RNLS: variants seen among roughly 807,000 people sequenced by gnomAD.
The protein encoded by RNLS is renalase.
A neutral mutation model predicts 39.8 loss-of-function variants in RNLS; 39 were observed. The observed-to-expected ratio is 0.98, with a 90% confidence interval of 0.76 to 1.28. The LOEUF (loss-of-function observed/expected upper bound fraction) is 1.28. Ranked by LOEUF, RNLS falls within the 50% of genes most tolerant of loss-of-function variation. RNLS has a pLI of 0.00. For synonymous variants in RNLS, 147 were observed against 150.7 expected, an observed-to-expected ratio of 0.98 and a Z score of 0.18; for missense variants, 410 against 413.3, an observed-to-expected ratio of 0.99 and a Z score of 0.07.
At position 88,445,871 on chromosome 10, in the gene RNLS, T is replaced by C. The variant is rs143537215; in HGVS notation, c.527-83146A>G. On this transcript the variant is annotated intron_variant, in intron 4 of 6. Coordinates refer to ENST00000331772, the MANE Select transcript of RNLS (RefSeq NM_001031709.3). ...CTCTCACACAATAATAATGGGAAAC[T>C]TTAATACCCCACTGTCAACATTAGA... Among the ~76,000 whole-genome samples, 1,294 of 152,258 alleles carry C rather than the reference T, an allele frequency of 8.5e-3. 21 individuals are homozygous for C. Among genetic ancestry groups the C allele is most frequent in the East Asian group, 0.033 (169 of 5,192 alleles).
intron 4 of RNLS, among the ~76,000 whole-genome samples, chr10:88,424,106 T>C (rs1285632426): frequency 6.6e-6 from 1 of 152,194 alleles, no homozygotes; most frequent in Non-Finnish European, 1.5e-5. Flanking sequence ...TGGCATGATG[T>C]GTGTTTGTCT....
intron 4 of RNLS, among the ~76,000 whole-genome samples, chr10:88,551,470 G>A (rs1162628605): frequency 6.6e-6 from 1 of 152,120 alleles, no homozygotes; most frequent in Non-Finnish European, 1.5e-5. Context: ...ACTTATTTAT[G>A]AAAATGCGTA....
intron 4 of RNLS, among the ~76,000 whole-genome samples, chr10:88,529,230 C>T (rs1426095026): frequency 1.3e-5 from 2 of 152,162 alleles, no homozygotes; most frequent in African/African-American, 4.8e-5. Flanking sequence ...CAAAATCCAG[C>T]GTCTTCCTCT....
chr10:88,212,064 T>C, the RNLS span, among the ~76,000 whole-genome samples: 1 of 152,180 alleles, frequency 6.6e-6, no homozygotes, highest in Non-Finnish European at 1.5e-5. Flanking sequence ...AGGCAAACCT[T>C]GTTCCTGGCC....
At chr10:88,330,082 TATATATATAA>T (rs1464611309) in intron 5 of RNLS, among the ~76,000 whole-genome samples, 1 of 135,414 alleles carries the variant, frequency 7.4e-6, no homozygotes, top group Non-Finnish European at 1.6e-5. Context: ...TATATATATA[TATATATATAA>T]ATATAAATAT....
chr10:88,199,649 A>G, the RNLS span, among the ~76,000 whole-genome samples: 5 of 152,152 alleles, frequency 3.3e-5, no homozygotes, highest in African/African-American at 1.2e-4. Flanking sequence ...CTGCAGAGAA[A>G]AGCAAGAACC....
chr10:88,427,936 G>T (rs143939347), intron 4 of RNLS, among the ~76,000 whole-genome samples: 2 of 151,956 alleles, frequency 1.3e-5, no homozygotes, highest in East Asian at 3.9e-4. Context: ...ATATGCTTAC[G>T]TTTTCTTTGT....
chr10:88,366,167 G>A lies in RNLS; in HGVS notation c.527-3442C>T, dbSNP rs74964912. ...TATAAGGAAAAATAAAGCAGGTAAA[G>A]GGATACATAACAGGTTTGAGTGAGG... On this transcript the variant is annotated intron_variant, in intron 4 of 6. Transcript: ENST00000331772. Among the ~76,000 whole-genome samples the A allele has an allele frequency of 5.6e-3, 848 of 152,248 alleles. 8 individuals are homozygous for A. Among genetic ancestry groups the A allele is most frequent in the African/African-American group, 0.02 (820 of 41,570 alleles).
chr10:88,220,949 G>A, the RNLS span, among the ~76,000 whole-genome samples: 11 of 152,224 alleles, frequency 7.2e-5, no homozygotes, highest in Non-Finnish European at 1.5e-4. Flanking sequence ...GCAAGTGACA[G>A]AGTTCGGATT....
At chr10:88,275,077 C>G (rs1279942379) in intron 6 of RNLS, 1 of 1,395,412 alleles carries the variant, frequency 7.2e-7, no homozygotes, top group East Asian at 2.3e-5. Flanking sequence ...CCACCCAACA[C>G]AATGGCCTCT....
At chr10:88,364,234 C>T (rs1218639053) in intron 4 of RNLS, among the ~76,000 whole-genome samples, 1 of 152,000 alleles carries the variant, frequency 6.6e-6, no homozygotes, top group Non-Finnish European at 1.5e-5. Flanking sequence ...GGTAAAATAT[C>T]CTAATCTACA....
intron 4 of RNLS, among the ~76,000 whole-genome samples, chr10:88,487,188 C>T (rs1239820203): frequency 6.6e-6 from 1 of 152,084 alleles, no homozygotes; most frequent in Non-Finnish European, 1.5e-5. Context: ...CCAACAGACA[C>T]TGGGGCCTAG....
At chr10:88,386,605 C>T (rs1273125933) in intron 4 of RNLS, among the ~76,000 whole-genome samples, 1 of 152,188 alleles carries the variant, frequency 6.6e-6, no homozygotes, top group East Asian at 1.9e-4. Context: ...TTAAGAGAAT[C>T]CTCACAGCAT....
the RNLS span, among the ~76,000 whole-genome samples, chr10:88,225,074 G>A: frequency 1.3e-5 from 2 of 152,190 alleles, no homozygotes; most frequent in African/African-American, 2.4e-5. Flanking sequence ...TGATATCTGT[G>A]TGGATATTTG....
intron 5 of RNLS, chr10:88,343,587 A>C: frequency 2.0e-6 from 2 of 985,318 alleles, no homozygotes; most frequent in Non-Finnish European, 2.4e-6. Flanking sequence ...CTTTCTGTCC[A>C]GGGCTGGGAT....
At chr10:88,470,119 C>T (rs991554601) in intron 4 of RNLS, among the ~76,000 whole-genome samples, 3 of 151,900 alleles carry the variant, frequency 2.0e-5, no homozygotes, top group Non-Finnish European at 4.4e-5. Flanking sequence ...TCCTTTTACC[C>T]ATGGAAACAC....
At chr10:88,307,002 C>T (rs1180532569) in intron 6 of RNLS, among the ~76,000 whole-genome samples, 1 of 152,182 alleles carries the variant, frequency 6.6e-6, no homozygotes, top group Non-Finnish European at 1.5e-5. Context: ...CCCTGGGATA[C>T]AAGGTTAGTT....
At chr10:88,541,449 CT>C (rs1181664062) in intron 4 of RNLS, among the ~76,000 whole-genome samples, 2 of 152,044 alleles carry the variant, frequency 1.3e-5, no homozygotes, top group Non-Finnish European at 2.9e-5. Context: ...TCCACATATC[CT>C]TTTTTATTAA....
At chr10:88,235,267 CAAAAAA>C in the RNLS span, among the ~76,000 whole-genome samples, 1 of 61,922 alleles carries the variant, frequency 1.6e-5, no homozygotes, top group Non-Finnish European at 2.7e-5. Flanking sequence ...GACTCTATCT[CAAAAAA>C]AAAAAAAAAA....
Sources: gnomAD v4.1 joint callset for allele counts (sites outside exome capture counted in the v4.1 genomes callset) on GRCh38, gnomAD v4.1.1 for gene constraint, MANE v1.5 for transcripts, NCBI Gene and HGNC (gene_info 2026-07-23, HGNC 2026-07-21) for gene names.